The following ARL15 variants were observed in gnomAD, a reference collection of about 807,000 sequenced individuals.
ARL15 encodes ADP-ribosylation factor-like protein 15.
Under a neutral mutation model 25.2 loss-of-function variants are expected in ARL15, and 19 were observed. The observed-to-expected ratio is 0.75, with a 90% CI of 0.53 to 1.10. The LOEUF (loss-of-function observed/expected upper bound fraction) is 1.10. ARL15 is among the 50% of genes least tolerant of loss of function. The probability of loss-of-function intolerance (pLI) is 0.00; values close to 1 mark genes in which losing one functional copy is unlikely to be tolerated. For missense variants in ARL15, 220 were observed against 246.0 expected (o/e 0.89, Z 0.71); for synonymous variants, 94 against 86.8 (o/e 1.08, Z -0.46).
intron 4 of ARL15, among the ~76,000 whole-genome samples, chr5:54,066,398 T>C (rs1751232465): frequency 6.6e-6 from 1 of 152,222 alleles, no homozygotes; most frequent in Non-Finnish European, 1.5e-5. Flanking sequence ...CTAAATCTGA[T>C]ACCTAGTTAA....
At chr5:53,935,831 C>T (rs549809678) in intron 4 of ARL15, among the ~76,000 whole-genome samples, 2 of 152,280 alleles carry the variant, frequency 1.3e-5, no homozygotes, top group East Asian at 3.9e-4. Context: ...TCTCGGCAAC[C>T]TCTGCCTCCT....
chr5:53,966,182 T>C (rs1480114020), intron 4 of ARL15, among the ~76,000 whole-genome samples: 1 of 152,062 alleles, frequency 6.6e-6, no homozygotes, highest in African/African-American at 2.4e-5. Flanking sequence ...GAAGATCAAG[T>C]TGATCACCAG....
intron 4 of ARL15, among the ~76,000 whole-genome samples, chr5:54,087,633 T>C (rs1010347970): frequency 1.3e-5 from 2 of 152,162 alleles, no homozygotes; most frequent in African/African-American, 2.4e-5. Context: ...TGTTAAAATA[T>C]AAACATGTGA....
At chr5:54,056,682 T>C (rs934802883) in intron 4 of ARL15, among the ~76,000 whole-genome samples, 11 of 149,972 alleles carry the variant, frequency 7.3e-5, no homozygotes, top group African/African-American at 2.7e-4. Flanking sequence ...ATAAAGAAAC[T>C]GACACCTCGT....
At chr5:54,072,198 A>G (rs1561212675) in intron 4 of ARL15, among the ~76,000 whole-genome samples, 3 of 152,076 alleles carry the variant, frequency 2.0e-5, no homozygotes, top group Admixed American at 1.3e-4. Flanking sequence ...GTTGGTTACT[A>G]TCAGCCACGA....
chr5:54,215,632 GAA>G lies in ARL15; in HGVS notation c.49-43706_49-43705del, dbSNP rs35282863. On this transcript the variant is annotated intron_variant, in intron 1 of 4. Coordinates refer to ENST00000504924, the MANE Select transcript of ARL15 (RefSeq NM_019087.3). ...TAAGTGCGCGAAGGGGGGAGGGGGGGAAAAAGGAACTGAATATTTAATGAGCT... is the reference window on the plus strand; with the variant it reads ...TAAGTGCGCGAAGGGGGGAGGGGGGGAAAGGAACTGAATATTTAATGAGCT... Among the ~76,000 whole-genome samples, 6 of 142,832 alleles carry G rather than the reference GAA, an allele frequency of 4.2e-5. No homozygotes were observed. The South Asian group carries it at 7.0e-4, about 17-fold the overall frequency. 93.7% of individuals were successfully genotyped at this position (142,832 alleles called of 152,430 possible).
chr5:54,271,743 G>A (rs1206291403), intron 1 of ARL15, among the ~76,000 whole-genome samples: 1 of 152,040 alleles, frequency 6.6e-6, no homozygotes, highest in African/African-American at 2.4e-5. Context: ...GTCCTCCACA[G>A]TATACAATAA....
At chr5:53,895,410 C>T (rs1033603058) in intron 4 of ARL15, among the ~76,000 whole-genome samples, 2 of 152,116 alleles carry the variant, frequency 1.3e-5, no homozygotes, top group South Asian at 2.1e-4. Context: ...GTGTTTCTTT[C>T]GTGTATGTAG....
At chr5:54,104,868 A>C (rs1752544340) in intron 4 of ARL15, among the ~76,000 whole-genome samples, 1 of 151,980 alleles carries the variant, frequency 6.6e-6, no homozygotes, top group Admixed American at 6.6e-5. Flanking sequence ...CTGTTTTTTC[A>C]GGGGAAGGAA....
chr5:54,206,522 A>G (rs1178026847), intron 1 of ARL15, among the ~76,000 whole-genome samples: 1 of 152,210 alleles, frequency 6.6e-6, no homozygotes, highest in East Asian at 1.9e-4. Flanking sequence ...GCTGAGAGGG[A>G]AAGAAATCTA....
At chr5:54,287,298 C>A (rs1758208368) in intron 1 of ARL15, among the ~76,000 whole-genome samples, 2 of 151,972 alleles carry the variant, frequency 1.3e-5, no homozygotes, top group South Asian at 4.2e-4. Flanking sequence ...ATTAAACATA[C>A]CTGTGCCAGA....
intron 1 of ARL15, among the ~76,000 whole-genome samples, chr5:54,226,552 A>G (rs757477525): frequency 1.3e-5 from 2 of 152,260 alleles, no homozygotes; most frequent in Non-Finnish European, 2.9e-5. Flanking sequence ...CCAAAGGAGA[A>G]GAAAATGGAG....
intron 3 of ARL15, among the ~76,000 whole-genome samples, chr5:54,123,169 G>C (rs1434126682): frequency 6.6e-6 from 1 of 151,166 alleles, no homozygotes; most frequent in Non-Finnish European, 1.5e-5. Flanking sequence ...GAGTGCAATG[G>C]TGCCATCTCG....
chr5:53,889,943 G>A (rs942779006), intron 4 of ARL15, among the ~76,000 whole-genome samples: 4 of 151,846 alleles, frequency 2.6e-5, no homozygotes, highest in Admixed American at 6.6e-5. Context: ...CTCCCACGGA[G>A]CGGAGATTAC....
At chr5:54,011,980 G>A (rs1389282099) in intron 4 of ARL15, among the ~76,000 whole-genome samples, 1 of 151,572 alleles carries the variant, frequency 6.6e-6, no homozygotes, top group Non-Finnish European at 1.5e-5. Flanking sequence ...CTGCACCCTA[G>A]CCTGGCAACA....
chr5:54,181,113 A>G (rs961123788), intron 1 of ARL15, among the ~76,000 whole-genome samples: 4 of 152,232 alleles, frequency 2.6e-5, no homozygotes, highest in African/African-American at 9.6e-5. Flanking sequence ...AGATTCTCAT[A>G]TAATTCCCAG....
At chr5:54,230,470 C>T (rs1756640836) in intron 1 of ARL15, among the ~76,000 whole-genome samples, 1 of 152,006 alleles carries the variant, frequency 6.6e-6, no homozygotes, top group African/African-American at 2.4e-5. Flanking sequence ...TCCCAACCAC[C>T]AAAGACATGC....
At chr5:54,120,886 G>A (rs541752196) in intron 3 of ARL15, among the ~76,000 whole-genome samples, 2 of 152,238 alleles carry the variant, frequency 1.3e-5, no homozygotes, top group South Asian at 2.1e-4. Context: ...TTAATAATGC[G>A]GAAATGCTAC....
At chr5:53,979,465 A>G (rs931727663) in intron 4 of ARL15, among the ~76,000 whole-genome samples, 5 of 152,142 alleles carry the variant, frequency 3.3e-5, no homozygotes, top group Non-Finnish European at 7.4e-5. Context: ...ACTAGAGCCC[A>G]GGAGGTCTAG....
Sources: gnomAD v4.1 joint callset for allele counts (sites outside exome capture counted in the v4.1 genomes callset) on GRCh38, gnomAD v4.1.1 for gene constraint, MANE v1.5 for transcripts, NCBI Gene and HGNC (gene_info 2026-07-23, HGNC 2026-07-21) for gene names.